Variants in FBXO42 observed in about 807,000 individuals in gnomAD.
FBXO42 encodes the protein F-box only protein 42.
FBXO42 carries 12 observed loss-of-function variants against 71.7 expected under a neutral mutation model. The observed-to-expected ratio is 0.17, with a 90% CI of 0.11 to 0.27. The LOEUF (loss-of-function observed/expected upper bound fraction) is 0.27, where lower values mean the gene tolerates loss of function less well. Ranked by LOEUF, FBXO42 falls within the 10% of genes least tolerant of loss-of-function variation. The pLI, the probability that FBXO42 is intolerant of heterozygous loss-of-function variation, is 1.00. For synonymous variants in FBXO42, 325 were observed against 327.5 expected (o/e 0.99, Z 0.08); for missense variants, 707 against 911.9 (o/e 0.78, Z 2.89).
At chr1:16,268,492 C>G (rs2081802213) in intron 4 of FBXO42, among the ~76,000 whole-genome samples, 1 of 152,180 alleles carries the variant, frequency 6.6e-6, no homozygotes, top group Non-Finnish European at 1.5e-5. Flanking sequence ...GAGACCATCA[C>G]AGGTCCAGGT....
At chr1:16,320,751 AG>A (rs1467506608) in intron 1 of FBXO42, among the ~76,000 whole-genome samples, 2 of 151,704 alleles carry the variant, frequency 1.3e-5, no homozygotes, top group African/African-American at 4.8e-5. Context: ...TGGTAGAAAC[AG>A]GGTTTCACCA....
chr1:16,349,801 GC>G (rs1292397724), intron 1 of FBXO42, among the ~76,000 whole-genome samples: 2 of 152,232 alleles, frequency 1.3e-5, no homozygotes, highest in Non-Finnish European at 2.9e-5. Flanking sequence ...GGTGGAGGTT[GC>G]AGTGAGCCGA....
intron 3 of FBXO42, among the ~76,000 whole-genome samples, chr1:16,295,547 C>T (rs767865954): frequency 1.3e-5 from 2 of 152,018 alleles, no homozygotes; most frequent in Non-Finnish European, 2.9e-5. Flanking sequence ...TGCACCACCA[C>T]ACCCAGCTAA....
At chr1:16,320,236 C>T (rs1208206096) in intron 1 of FBXO42, among the ~76,000 whole-genome samples, 1 of 151,612 alleles carries the variant, frequency 6.6e-6, no homozygotes, top group African/African-American at 2.4e-5. Flanking sequence ...TGGCACATGC[C>T]TGTAATCCCA....
intron 4 of FBXO42, among the ~76,000 whole-genome samples, chr1:16,276,125 T>C (rs551276461): frequency 1.3e-5 from 2 of 152,186 alleles, no homozygotes; most frequent in South Asian, 2.1e-4. Flanking sequence ...CTCACGCCTG[T>C]AATCCCAGCA....
chr1:16,256,898 G>A, intron 4 of FBXO42, 139 bp from the exon 5 acceptor site: 1 of 775,610 alleles, frequency 1.3e-6, no homozygotes, highest in East Asian at 2.8e-5. Flanking sequence ...AAGGTGGAAA[G>A]AAAACTGGGT....
Position 16,246,898 on chromosome 1 carries a change from T to C in FBXO42, c.*3772A>G, listed in dbSNP as rs1313365704. 1.3e-5 allele frequency: 2 copies of C among 152,212 alleles called. No homozygotes were observed. Among genetic ancestry groups the C allele is most frequent in the Admixed American group, 6.5e-5 (1 of 15,280 alleles). 9.4% of individuals were successfully genotyped at this position (152,212 alleles called of 1,614,324 possible). On this transcript the variant is annotated 3_prime_UTR_variant, in exon 10 of 10. Coordinates refer to ENST00000375592, the MANE Select transcript of FBXO42 (RefSeq NM_018994.3). ...CTAAAAAGTCATCAGGGGAAAACAT[T>C]AACAAAAAATGAAATTGACAGATTT...
chr1:16,323,722 GGA>G (rs1251757640), intron 1 of FBXO42, among the ~76,000 whole-genome samples: 1 of 149,502 alleles, frequency 6.7e-6, no homozygotes, highest in Non-Finnish European at 1.5e-5. Flanking sequence ...CCCAGGAGGC[GGA>G]GATTGCAGTG....
chr1:16,307,492 G>C (rs1017451863), intron 2 of FBXO42, among the ~76,000 whole-genome samples: 3 of 150,682 alleles, frequency 2.0e-5, no homozygotes, highest in African/African-American at 7.3e-5. Flanking sequence ...GCCTGGGCAA[G>C]ACAGTGAGAC....
intron 1 of FBXO42, among the ~76,000 whole-genome samples, chr1:16,336,884 C>T (rs942220711): frequency 6.6e-6 from 1 of 152,062 alleles, no homozygotes; most frequent in African/African-American, 2.4e-5. Context: ...ACTTGGGAGG[C>T]TGAGGCAGGA....
At chr1:16,333,278 A>G (rs1056853704) in intron 1 of FBXO42, among the ~76,000 whole-genome samples, 44 of 152,298 alleles carry the variant, frequency 2.9e-4, no homozygotes, top group Middle Eastern at 3.4e-3. Flanking sequence ...TCACCACTTC[A>G]TAAGTTACAA....
At position 16,252,866 on chromosome 1, in the gene FBXO42, T is replaced by C. The variant is rs568658628; in HGVS notation, c.921+230A>G. Among the ~76,000 whole-genome samples the C allele has an allele frequency of 2.0e-5, 3 of 152,048 alleles. No individual in the cohort carries two copies. The highest frequency in any genetic ancestry group is 4.4e-5 in the Non-Finnish European group (3 of 68,014). The stretch of plus-strand genomic sequence containing the variant: ...AAAGGAAATAGGAATGGGAAGAATA[T>C]AGATATGAATATTCAAGAGACAAAT... On this transcript the variant is annotated intron_variant, in intron 8 of 9. Transcript: ENST00000375592. This position sits in a 1 kb window ranked among gnomAD's most constrained non-coding sequence, Gnocchi z 4.4.
At position 16,251,235 on chromosome 1, in the gene FBXO42, G is replaced by C; in HGVS notation, c.1589C>G (p.Pro530Arg). 6.2e-7 allele frequency: 1 copy of C among 1,614,190 alleles called. No homozygotes were observed. Among genetic ancestry groups the C allele is most frequent in the Non-Finnish European group, 8.5e-7 (1 of 1,180,038 alleles). The change falls in exon 10 of 10, where the codon CCT (proline) becomes CGT (arginine). Residue 530 changes from proline (P) to arginine (R), a missense_variant. Pro to Arg is a moderately radical substitution (Grantham distance 103, BLOSUM62 -2). Around this residue, in one of 5 missense-constraint regions of FBXO42, gnomAD observed 482 missense variants for 587.1 expected, o/e 0.82. Coordinates refer to ENST00000375592, the MANE Select transcript of FBXO42 (RefSeq NM_018994.3). This position sits in a 1 kb window ranked among gnomAD's most constrained non-coding sequence, Gnocchi z 4.5. ...NRTVGGSMRH[P>R]PEQTNGVHTP... ...ATGCACACCATTTGTCTGTTCAGGA[G>C]GGTGTCTCATACTTCCCCCAACTGT...
At chr1:16,335,560 A>G (rs1467961768) in intron 1 of FBXO42, among the ~76,000 whole-genome samples, 1 of 151,892 alleles carries the variant, frequency 6.6e-6, no homozygotes, top group Non-Finnish European at 1.5e-5. Context: ...CATGATGCAA[A>G]TCTGGATCAA....
chr1:16,350,750 A>AG (rs1557612268), intron 1 of FBXO42, among the ~76,000 whole-genome samples: 13 of 127,880 alleles, frequency 1.0e-4, no homozygotes, highest in Admixed American at 3.3e-4. Context: ...CTGCAAAAAA[A>AG]AAAAAAAAAA....
At chr1:16,328,618 T>A (rs6663834) in intron 1 of FBXO42, among the ~76,000 whole-genome samples, 3,638 of 151,948 alleles carry the variant, frequency 0.024, 121 homozygotes, top group African/African-American at 0.084. Context: ...GTGCATAATA[T>A]ACACACACAC....
chr1:16,273,915 A>G (rs543163821), intron 4 of FBXO42, among the ~76,000 whole-genome samples: 1 of 152,306 alleles, frequency 6.6e-6, no homozygotes, highest in Non-Finnish European at 1.5e-5. Context: ...CATATTAAGA[A>G]GCACTCATGG....
intron 4 of FBXO42, among the ~76,000 whole-genome samples, chr1:16,284,356 T>C (rs887333489): frequency 2.0e-5 from 3 of 152,162 alleles, no homozygotes; most frequent in Non-Finnish European, 2.9e-5. Context: ...TGCAATCACA[T>C]ATTCCCTTTT....
chr1:16,273,474 C>A (rs1158058428), intron 4 of FBXO42, among the ~76,000 whole-genome samples: 1 of 151,500 alleles, frequency 6.6e-6, no homozygotes, highest in Non-Finnish European at 1.5e-5. Flanking sequence ...TTAAAGTTGA[C>A]AAGTAGGAAA....
Sources: allele counts gnomAD v4.1 joint callset (sites outside exome capture counted in the v4.1 genomes callset), GRCh38; gene constraint gnomAD v4.1.1; regional missense constraint gnomAD v4.1.1; non-coding constraint Gnocchi (gnomAD v3.1); transcripts MANE v1.5; gene names NCBI Gene and HGNC (gene_info 2026-07-23, HGNC 2026-07-21).